LYPLAL1: variants seen among roughly 807,000 people sequenced by gnomAD.
LYPLAL1 encodes lysophospholipase-like protein 1.
Under a neutral mutation model 19.7 loss-of-function variants are expected in LYPLAL1, and 23 were observed. The ratio of observed to expected loss-of-function variants is 1.17; its 90% CI spans 0.84 to 1.65. The LOEUF is 1.65. Among genes scored for constraint, LYPLAL1 ranks in the 40% most tolerant of loss-of-function variants. The pLI is 0.00. For synonymous variants in LYPLAL1, 119 were observed against 96.3 expected (o/e 1.24, Z -1.38); for missense variants, 355 against 279.4 (o/e 1.27, Z -1.93).
At chr1:219,374,262 T>C in the LYPLAL1 span, among the ~76,000 whole-genome samples, 5 of 152,112 alleles carry the variant, frequency 3.3e-5, no homozygotes, top group Non-Finnish European at 7.4e-5. Context: ...GCTGAATCTT[T>C]ATGTTCTCCA....
At chr1:219,189,653 G>T (rs1444935370) in intron 2 of LYPLAL1, among the ~76,000 whole-genome samples, 1 of 151,502 alleles carries the variant, frequency 6.6e-6, no homozygotes, top group Non-Finnish European at 1.5e-5. Context: ...CTAGTATAGA[G>T]GTGGTGCAAG....
the LYPLAL1 span, among the ~76,000 whole-genome samples, chr1:219,407,309 C>G: frequency 6.6e-6 from 1 of 152,124 alleles, no homozygotes; most frequent in African/African-American, 2.4e-5. Flanking sequence ...ATTTGGGGTT[C>G]TGTTTGCAAG....
At chr1:219,374,452 TA>T in the LYPLAL1 span, among the ~76,000 whole-genome samples, 1 of 152,152 alleles carries the variant, frequency 6.6e-6, no homozygotes, top group African/African-American at 2.4e-5. Flanking sequence ...TATTTGATCT[TA>T]CTGTGAAATA....
At chr1:219,352,488 A>AG in the LYPLAL1 span, among the ~76,000 whole-genome samples, 2 of 152,210 alleles carry the variant, frequency 1.3e-5, no homozygotes, top group African/African-American at 4.8e-5. Context: ...ACTGCACTCC[A>AG]GCCTGGGTGA....
the LYPLAL1 span, among the ~76,000 whole-genome samples, chr1:219,352,326 C>G: frequency 6.6e-6 from 1 of 151,970 alleles, no homozygotes; most frequent in Non-Finnish European, 1.5e-5. Flanking sequence ...GTCAGGAGAT[C>G]GAGACCACGG....
the LYPLAL1 span, among the ~76,000 whole-genome samples, chr1:219,381,370 G>A: frequency 6.6e-6 from 1 of 152,094 alleles, no homozygotes; most frequent in African/African-American, 2.4e-5. Context: ...GTCTCAAGTA[G>A]GTCTTTATTA....
the LYPLAL1 span, among the ~76,000 whole-genome samples, chr1:219,232,394 G>C: frequency 6.6e-6 from 1 of 151,992 alleles, no homozygotes; most frequent in South Asian, 2.1e-4. Context: ...ACAAAAATTA[G>C]CTCGGAATGG....
the LYPLAL1 span, among the ~76,000 whole-genome samples, chr1:219,394,421 C>T: frequency 2.6e-5 from 4 of 152,146 alleles, no homozygotes; most frequent in African/African-American, 9.7e-5. Context: ...CTATCACCAT[C>T]ATCCACTCAC....
chr1:219,297,544 G>A, the LYPLAL1 span, among the ~76,000 whole-genome samples: 1 of 152,192 alleles, frequency 6.6e-6, no homozygotes, highest in African/African-American at 2.4e-5. Context: ...AGCCACTTAG[G>A]TATAGGCTCT....
the LYPLAL1 span, among the ~76,000 whole-genome samples, chr1:219,312,875 A>G: frequency 2.6e-5 from 4 of 152,320 alleles, no homozygotes; most frequent in East Asian, 1.9e-4. Context: ...GTGACAGCTT[A>G]CTAACCAGAA....
the LYPLAL1 span, among the ~76,000 whole-genome samples, chr1:219,220,535 T>C: frequency 6.6e-6 from 1 of 152,160 alleles, no homozygotes; most frequent in African/African-American, 2.4e-5. Context: ...AGCACTTTCC[T>C]TCTGGCCGTT....
chr1:219,419,594 C>CACACACACACACACAGAGAGAG, the LYPLAL1 span, among the ~76,000 whole-genome samples: 747 of 99,502 alleles, frequency 7.5e-3, 8 homozygotes, highest in Non-Finnish European at 9.5e-3. Context: ...CACACACACA[C>CACACACACACACACAGAGAGAG]AGAGAGAGAG....
At chr1:219,204,011 A>C (rs932066983) in intron 3 of LYPLAL1, among the ~76,000 whole-genome samples, 1 of 152,148 alleles carries the variant, frequency 6.6e-6, no homozygotes, top group African/African-American at 2.4e-5. Flanking sequence ...TTCTTAATAG[A>C]AAAAATAGTA....
the LYPLAL1 span, among the ~76,000 whole-genome samples, chr1:219,296,289 T>C: frequency 6.6e-6 from 1 of 152,146 alleles, no homozygotes; most frequent in South Asian, 2.1e-4. Context: ...CTAGGGGATA[T>C]GTAGGTTTCT....
chr1:219,404,301 A>G, the LYPLAL1 span, among the ~76,000 whole-genome samples: 1 of 152,160 alleles, frequency 6.6e-6, no homozygotes, highest in Non-Finnish European at 1.5e-5. Context: ...ACGTCAGGGC[A>G]TAGCACTTCA....
chr1:219,434,444 T>C, the LYPLAL1 span, among the ~76,000 whole-genome samples: 1 of 152,194 alleles, frequency 6.6e-6, no homozygotes, highest in South Asian at 2.1e-4. Flanking sequence ...CTGAACATTC[T>C]GGGACAAGGC....
the LYPLAL1 span, among the ~76,000 whole-genome samples, chr1:219,318,384 C>T: frequency 2.6e-5 from 4 of 151,976 alleles, no homozygotes; most frequent in Non-Finnish European, 5.9e-5. Flanking sequence ...CCACCCCTCC[C>T]CACAGTCCCC....
the LYPLAL1 span, among the ~76,000 whole-genome samples, chr1:219,316,900 A>T: frequency 6.6e-6 from 1 of 152,102 alleles, no homozygotes; most frequent in Non-Finnish European, 1.5e-5. Context: ...GGGAGGAGGA[A>T]ATGGGGAGTT....
chr1:219,405,157 A>G, the LYPLAL1 span, among the ~76,000 whole-genome samples: 1 of 152,198 alleles, frequency 6.6e-6, no homozygotes, highest in Non-Finnish European at 1.5e-5. Context: ...ACACATTTTC[A>G]TCATAACAGT....
Sources: allele counts gnomAD v4.1 joint callset (sites outside exome capture counted in the v4.1 genomes callset), GRCh38; gene constraint gnomAD v4.1.1; transcripts MANE v1.5; gene names NCBI Gene and HGNC (gene_info 2026-07-23, HGNC 2026-07-21).